The following HP variants were observed in gnomAD, a reference collection of about 807,000 sequenced individuals.
HP encodes haptoglobin alpha(1S)-beta.
HP carries 9 observed loss-of-function variants against 23.2 expected under a neutral mutation model. The observed-to-expected ratio is 0.39, with a 90% CI of 0.23 to 0.68. The LOEUF is 0.68. Among genes scored for constraint, HP ranks in the 30% least tolerant of loss-of-function variants. The pLI is 0.47. For synonymous variants in HP, 155 were observed against 183.3 expected, an observed-to-expected ratio of 0.85 and a Z score of 1.25; for missense variants, 433 against 483.6, an observed-to-expected ratio of 0.90 and a Z score of 0.98.
Position 72,054,588 on chromosome 16 carries a change from T to C in HP, c.-65T>C, listed in dbSNP as rs1383342658. ...TGGAGAAGGGGGAGAAGTGAGCTAG[T>C]GGCAGCATAAAAAGACCAGCAGATG... On this transcript the variant is annotated 5_prime_UTR_variant, in exon 1 of 7. Coordinates refer to ENST00000355906, the MANE Select transcript of HP (RefSeq NM_005143.5). 2.5e-6 allele frequency: 4 copies of C among 1,596,434 alleles called. No individual in the cohort carries two copies. The highest frequency in any genetic ancestry group is 2.3e-5 in the East Asian group (1 of 43,990).
chr16:72,056,086 T>C (rs2041455938), intron 1 of HP, 75 bp from the exon 2 acceptor site: 16 of 1,529,202 alleles, frequency 1.0e-5, no homozygotes, highest in Admixed American at 1.7e-5. Flanking sequence ...TGTACATGCA[T>C]GTGTGTGTGG....
intron 1 of HP, 119 bp downstream of exon 1, chr16:72,054,776 T>A (rs4788458): frequency 1.3e-6 from 2 of 1,547,408 alleles, no homozygotes; most frequent in South Asian, 2.3e-5. Flanking sequence ...TAAATTATAG[T>A]GAACCAAAGG....
Position 72,059,047 on chromosome 16 carries a change from C to T in HP, c.368-67C>T. 4.2e-6 allele frequency: 6 copies of T among 1,434,514 alleles called. 1 individual carries two copies. The highest frequency in any genetic ancestry group is 5.8e-6 in the Non-Finnish European group (6 of 1,032,150). The allele number at this position is 1,434,514 out of a possible 1,614,324, so 88.9% of individuals were successfully genotyped here. On this transcript the variant is annotated intron_variant, in intron 5 of 6. Transcript: ENST00000355906. ...TCCTTTTAGTTCTTCTCTTTAAATG[C>T]CTTCTCACTCTGCACGGGGTCTAGA...
chr16:72,059,856 G>A, intron 6 of HP: 1 of 772,698 alleles, frequency 1.3e-6, no homozygotes, highest in Non-Finnish European at 2.0e-6. Flanking sequence ...ACCAGCCAGG[G>A]CTCAAAAATC....
chr16:72,059,200 G>C lies in HP; in HGVS notation c.442+12G>C, dbSNP rs2041500687. 1.3e-6 allele frequency: 2 copies of C among 1,565,226 alleles called. 1 individual carries two copies. The highest frequency in any genetic ancestry group is 3.1e-5 in the African/African-American group (2 of 64,468). On this transcript the variant is annotated intron_variant, in intron 6 of 6. Coordinates refer to ENST00000355906, the MANE Select transcript of HP (RefSeq NM_005143.5). The stretch of plus-strand genomic sequence containing the variant: ...TGAATGTGAAGCAGGTGGGTGCTGA[G>C]CACTTAAGAGAGCAGGCAGGCGTCC...
intron 6 of HP, 151 bp downstream of exon 6, chr16:72,059,339 T>C: frequency 8.9e-7 from 1 of 1,127,990 alleles, no homozygotes; most frequent in South Asian, 1.4e-5. Context: ...CTTAAGCAGT[T>C]AGGTGATGAC....
In HP at chr16:72,058,925, G is replaced by A. The variant is rs1299414351; in HGVS notation, c.368-189G>A. Among the ~76,000 whole-genome samples, 10 of 140,734 alleles carry A rather than the reference G, an allele frequency of 7.1e-5. 2 individuals carry two copies. The highest frequency in any genetic ancestry group is 1.1e-4 in the Non-Finnish European group (7 of 65,500). The allele number at this position is 140,734 out of a possible 152,430, so 92.3% of individuals were successfully genotyped here. On this transcript the variant is annotated intron_variant, in intron 5 of 6. Transcript: ENST00000355906. ...ACAGTGTGTTCTGCTGGGCTTAACT[G>A]GCATCCAGGCACTTGGCTTCCAGCA...
intron 2 of HP, 97 bp downstream of exon 2, chr16:72,056,340 C>T: frequency 1.3e-6 from 2 of 1,563,584 alleles, no homozygotes; most frequent in African/African-American, 1.4e-5. Context: ...TTATCTCGAC[C>T]TCTGGGCTTT....
chr16:72,060,685 T>A lies in HP; in HGVS notation c.1016T>A (p.Phe339Tyr). Reference protein sequence around the residue: ...GVQPILNEHTFCAGMSKYQED... With the variant: ...GVQPILNEHTYCAGMSKYQED... ...CAGCCCATACTGAATGAACACACCT[T>A]CTGTGCTGGCATGTCTAAGTACCAA... The change falls in exon 7 of 7, where the codon TTC (phenylalanine) becomes TAC (tyrosine). Residue 339 changes from phenylalanine (F) to tyrosine (Y), a missense_variant. Physicochemically the swap from Phe to Tyr is conservative, Grantham distance 22. Around this residue, in one of 3 missense-constraint regions of HP, gnomAD observed 326 missense variants for 358.1 expected, o/e 0.91. Coordinates refer to ENST00000355906, the MANE Select transcript of HP (RefSeq NM_005143.5). The A allele has an allele frequency of 6.2e-7, 1 of 1,614,096 alleles. No homozygotes were observed. The highest frequency in any genetic ancestry group is 8.5e-7 in the Non-Finnish European group (1 of 1,180,020).
At chr16:72,058,148 G>T (rs2041485580) in intron 4 of HP, 106 bp from the exon 5 acceptor site, 1 of 1,086,698 alleles carries the variant, frequency 9.2e-7, no homozygotes, top group Admixed American at 2.7e-5. Context: ...TCTATTCGGG[G>T]TGGAAGGAGA....
rs370016936 is a variant in HP, at chr16:72,060,806, G to A, written c.1137G>A (p.Lys379=). 3 of 1,614,106 alleles carry A rather than the reference G, an allele frequency of 1.9e-6. No individual in the cohort carries two copies. In the African/African-American group the frequency reaches 4.0e-5, roughly 22 times the overall value. The change falls in exon 7 of 7, where the codon AAG becomes AAA. Residue 379 remains lysine, a synonymous_variant. Coordinates refer to ENST00000355906, the MANE Select transcript of HP (RefSeq NM_005143.5). ...WYATGILSFD[K]SCAVAEYGVY... ...CGACTGGGATCTTAAGCTTTGATAA[G>A]AGCTGTGCTGTGGCTGAGTATGGTG...
At chr16:72,060,005 T>A in intron 6 of HP, 107 bp from the exon 7 acceptor site, 1 of 1,553,098 alleles carries the variant, frequency 6.4e-7, no homozygotes, top group Non-Finnish European at 8.7e-7. Context: ...AGCATTTAAA[T>A]CTTTCTACTT....
At chr16:72,058,429 G>A (rs1261410673) in intron 5 of HP, 74 bp downstream of exon 5, 4 of 392,482 alleles carry the variant, frequency 1.0e-5, no homozygotes, top group Admixed American at 6.2e-5. Context: ...GGGTGGTGCT[G>A]AGGTGATTCG....
chr16:72,056,433 G>A, intron 2 of HP, 97 bp from the exon 3 acceptor site: 3 of 1,562,134 alleles, frequency 1.9e-6, no homozygotes, highest in Non-Finnish European at 2.6e-6. Flanking sequence ...GGTGGAAGGA[G>A]ATTGATGTGC....
intron 1 of HP, chr16:72,055,931 G>A: frequency 1.4e-6 from 1 of 703,872 alleles, no homozygotes; most frequent in Admixed American, 2.2e-5. Context: ...GGGCTTGCTG[G>A]AAGCTTGGTA....
chr16:72,055,066 C>T, intron 1 of HP: 1 of 283,946 alleles, frequency 3.5e-6, no homozygotes, highest in Non-Finnish European at 6.7e-6. Flanking sequence ...ACACTAATAC[C>T]TGGGATACAT....
rs104894517 is a variant in HP, at chr16:72,060,409, T to C, written c.740T>C (p.Ile247Thr). ...CACCCTAACTACTCCCAGGTAGATA[T>C]TGGGCTCATCAAACTCAAACAGAAG... is the stretch of plus-strand genomic sequence containing the variant. ...VLHPNYSQVD[I>T]GLIKLKQKVS... The change falls in exon 7 of 7, where the codon ATT becomes ACT. Residue 247 changes from isoleucine (I) to threonine (T), a missense_variant. Ile to Thr is a moderately conservative substitution (Grantham distance 89). Coordinates refer to ENST00000355906, the MANE Select transcript of HP (RefSeq NM_005143.5). The C allele has an allele frequency of 6.8e-5, 110 of 1,614,198 alleles. No homozygotes were observed. The African/African-American group carries it at 1.0e-3, about 15-fold the overall frequency.
At chr16:72,055,044 T>G in intron 1 of HP, 1 of 364,238 alleles carries the variant, frequency 2.7e-6, no homozygotes, top group Non-Finnish European at 5.1e-6. Context: ...AATTGACTAG[T>G]ACCTGGGATA....
chr16:72,058,135 G>A, intron 4 of HP, 119 bp from the exon 5 acceptor site: 3 of 1,132,728 alleles, frequency 2.6e-6, no homozygotes, highest in Non-Finnish European at 3.7e-6. Flanking sequence ...CAGTTCGCGA[G>A]CTTCTATTCG....
Sources: allele counts gnomAD v4.1 joint callset (sites outside exome capture counted in the v4.1 genomes callset), GRCh38; gene constraint gnomAD v4.1.1; regional missense constraint gnomAD v4.1.1; transcripts MANE v1.5; gene names NCBI Gene and HGNC (gene_info 2026-07-23, HGNC 2026-07-21).